The following TASP1 variants were observed in gnomAD, a reference collection of about 807,000 sequenced individuals.
TASP1 encodes the protein taspase 1, also known as threonine aspartase 1.
Under a neutral mutation model 56.6 loss-of-function variants are expected in TASP1, and 16 were observed. That is an observed-to-expected ratio of 0.28 (90% CI 0.19 to 0.43). The LOEUF is 0.43. TASP1 is among the 20% of genes least tolerant of loss of function. TASP1 has a pLI of 1.00. For missense variants in TASP1, 393 were observed against 511.6 expected, an observed-to-expected ratio of 0.77 and a Z score of 2.24; for synonymous variants, 179 against 184.2, an observed-to-expected ratio of 0.97 and a Z score of 0.23.
chr20:13,320,445 A>T, the TASP1 span, among the ~76,000 whole-genome samples: 2 of 152,130 alleles, frequency 1.3e-5, no homozygotes, highest in South Asian at 4.2e-4. Context: ...AAACAAGAGA[A>T]CCGAACTCTG....
chr20:13,289,207 A>T, the TASP1 span, among the ~76,000 whole-genome samples: 1 of 152,164 alleles, frequency 6.6e-6, no homozygotes, highest in African/African-American at 2.4e-5. Context: ...CATTGTACTT[A>T]TTTAATTTAG....
chr20:13,532,760 G>A (rs759055384), intron 9 of TASP1, among the ~76,000 whole-genome samples: 3 of 152,104 alleles, frequency 2.0e-5, no homozygotes. Context: ...GAAAGTCATG[G>A]GGACTATAAT....
intron 5 of TASP1, among the ~76,000 whole-genome samples, chr20:13,583,112 T>C (rs2047183246): frequency 6.6e-6 from 1 of 152,196 alleles, no homozygotes; most frequent in Non-Finnish European, 1.5e-5. Flanking sequence ...TTCAGGTCAT[T>C]GATACCCACA....
At chr20:13,243,726 A>G in the TASP1 span, among the ~76,000 whole-genome samples, 392 of 152,340 alleles carry the variant, frequency 2.6e-3, 4 homozygotes, top group African/African-American at 8.8e-3. Flanking sequence ...TTTAAGCTAT[A>G]TCCATCACCG....
At chr20:13,269,092 GGGGGGCAAAGA>G in the TASP1 span, among the ~76,000 whole-genome samples, 1 of 152,114 alleles carries the variant, frequency 6.6e-6, no homozygotes, top group Admixed American at 6.6e-5. Context: ...GCACTGTGGT[GGGGGGCAAAGA>G]GGGCGTGTGG....
chr20:13,619,408 CT>C, intron 4 of TASP1, among the ~76,000 whole-genome samples: 1 of 152,278 alleles, frequency 6.6e-6, no homozygotes, highest in Non-Finnish European at 1.5e-5. Flanking sequence ...TAAACCAGGT[CT>C]TCATACTTTA....
intron 4 of TASP1, among the ~76,000 whole-genome samples, chr20:13,620,509 A>C (rs2048675164): frequency 6.6e-6 from 1 of 152,232 alleles, no homozygotes; most frequent in Non-Finnish European, 1.5e-5. Context: ...ATCAATTTCA[A>C]TATCTGCCTA....
chr20:13,600,806 TAG>T (rs1481420931), intron 4 of TASP1, among the ~76,000 whole-genome samples: 4 of 152,178 alleles, frequency 2.6e-5, no homozygotes, highest in Non-Finnish European at 5.9e-5. Flanking sequence ...CATACATACA[TAG>T]GTTAGTACAA....
chr20:13,212,439 C>G, the TASP1 span, among the ~76,000 whole-genome samples: 2 of 152,276 alleles, frequency 1.3e-5, no homozygotes, highest in East Asian at 3.9e-4. Flanking sequence ...TCCCTGACTA[C>G]TACAAGTATA....
intron 10 of TASP1, among the ~76,000 whole-genome samples, chr20:13,511,694 GCACCC>G (rs1305173357): frequency 6.6e-6 from 1 of 151,724 alleles, no homozygotes; most frequent in Admixed American, 6.6e-5. Context: ...TTGGTGTGCT[GCACCC>G]CACCCATTAA....
chr20:13,410,958 TG>T (rs1160597302), intron 13 of TASP1, among the ~76,000 whole-genome samples: 7 of 152,190 alleles, frequency 4.6e-5, no homozygotes, highest in African/African-American at 1.7e-4. Context: ...TTTTATAGTT[TG>T]GGGCCTTACA....
At chr20:13,348,020 T>C in the TASP1 span, among the ~76,000 whole-genome samples, 134 of 152,226 alleles carry the variant, frequency 8.8e-4, no homozygotes, top group African/African-American at 3.0e-3. Context: ...CCAGGAGACA[T>C]TTGGCAATAT....
At chr20:13,611,148 T>C (rs534492620) in intron 4 of TASP1, among the ~76,000 whole-genome samples, 1 of 152,354 alleles carries the variant, frequency 6.6e-6, no homozygotes, top group South Asian at 2.1e-4. Context: ...ACAGCAATTT[T>C]TCTTATGTTT....
At chr20:13,357,623 A>C in the TASP1 span, among the ~76,000 whole-genome samples, 1 of 152,204 alleles carries the variant, frequency 6.6e-6, no homozygotes, top group African/African-American at 2.4e-5. Context: ...AAAATACCAT[A>C]TAGCCCAGAA....
intron 10 of TASP1, among the ~76,000 whole-genome samples, chr20:13,499,843 C>T (rs956273999): frequency 1.3e-5 from 2 of 152,080 alleles, no homozygotes; most frequent in Non-Finnish European, 2.9e-5. Context: ...ATGGATGAAG[C>T]TCAATGCCAT....
At chr20:13,283,470 T>C in the TASP1 span, among the ~76,000 whole-genome samples, 1 of 152,150 alleles carries the variant, frequency 6.6e-6, no homozygotes, top group Non-Finnish European at 1.5e-5. Context: ...TCCGCAAGGA[T>C]TATTTCTAAA....
chr20:13,484,733 CAAA>C (rs34720600), intron 10 of TASP1, among the ~76,000 whole-genome samples: 1 of 81,148 alleles, frequency 1.2e-5, no homozygotes. Flanking sequence ...CAAGATTTCT[CAAA>C]AAAAAAAAAA....
In TASP1 at chr20:13,469,792, C is replaced by CTTTTTTTTTTTTTT. The variant is rs546419566; in HGVS notation, c.985+13421_985+13434dup. On this transcript the variant is annotated intron_variant, in intron 11 of 13. Transcript: ENST00000337743. ...ACAGTTGTCCAGGTCAATAAATGTC[C>CTTTTTTTTTTTTTT]TTTTTTTTTTTTTTTTTTTTTTTTT... Among the ~76,000 whole-genome samples, 61 of 39,542 alleles carry CTTTTTTTTTTTTTT rather than the reference C, an allele frequency of 1.5e-3. 12 individuals carry two copies. The highest frequency in any genetic ancestry group is 2.0e-3 in the Non-Finnish European group (43 of 21,462). The allele number at this position is 39,542 out of a possible 152,430, so 25.9% of individuals were successfully genotyped here.
the TASP1 span, among the ~76,000 whole-genome samples, chr20:13,258,051 C>T: frequency 1.3e-5 from 2 of 152,056 alleles, no homozygotes; most frequent in East Asian, 1.9e-4. Flanking sequence ...TGTCATGAGA[C>T]CAGATTTAAT....
Sources: gnomAD v4.1 joint callset for allele counts (sites outside exome capture counted in the v4.1 genomes callset) on GRCh38, gnomAD v4.1.1 for gene constraint, MANE v1.5 for transcripts, NCBI Gene and HGNC (gene_info 2026-07-23, HGNC 2026-07-21) for gene names.